DNAJC5B: variants seen among roughly 807,000 people sequenced by gnomAD.
DNAJC5B encodes dnaJ homolog subfamily C member 5B.
A neutral mutation model predicts 24.7 loss-of-function variants in DNAJC5B; 23 were observed. The observed-to-expected ratio is 0.93, with a 90% CI of 0.67 to 1.32. The LOEUF is 1.32. DNAJC5B is among the 40% of genes most tolerant of loss of function. The pLI is 0.00. For synonymous variants in DNAJC5B, 101 were observed against 90.1 expected (o/e 1.12, Z -0.68); for missense variants, 238 against 240.8 (o/e 0.99, Z 0.08).
At chr8:66,091,161 G>C (rs932150772) in intron 5 of DNAJC5B, among the ~76,000 whole-genome samples, 2 of 152,192 alleles carry the variant, frequency 1.3e-5, no homozygotes, top group East Asian at 1.9e-4. Context: ...CCAGGGGCTA[G>C]AGGAAATGAA....
chr8:66,028,313 C>T (rs1806290507), intron 1 of DNAJC5B, among the ~76,000 whole-genome samples: 1 of 152,102 alleles, frequency 6.6e-6, no homozygotes, highest in African/African-American at 2.4e-5. Context: ...TCTTGGCGTG[C>T]AAAGCAAATA....
intron 1 of DNAJC5B, among the ~76,000 whole-genome samples, chr8:66,035,485 T>A (rs147827964): frequency 6.6e-6 from 1 of 152,136 alleles, no homozygotes; most frequent in African/African-American, 2.4e-5. Context: ...TACAGAGAGA[T>A]ACACACAGAG....
chr8:66,076,969 T>C, intron 4 of DNAJC5B, 96 bp downstream of exon 4: 1 of 1,278,788 alleles, frequency 7.8e-7, no homozygotes, highest in Non-Finnish European at 1.1e-6. Flanking sequence ...ACCTTCCTGC[T>C]ATTAAACTCT....
Position 66,051,521 on chromosome 8 carries a change from T to C in DNAJC5B, c.-17-10T>C. On this transcript the variant is annotated splice_polypyrimidine_tract_variant and intron_variant, in intron 2 of 5. Coordinates refer to ENST00000276570, the MANE Select transcript of DNAJC5B (RefSeq NM_033105.6). ...GTGCATAACCTTCATGGCTATTTTC[T>C]CCCCTTTAGTTTTGCAGCCTTAGAA... The C allele has an allele frequency of 6.5e-7, 1 of 1,534,532 alleles. No individual in the cohort carries two copies. The highest frequency in any genetic ancestry group is 9.0e-7 in the Non-Finnish European group (1 of 1,111,210).
intron 3 of DNAJC5B, among the ~76,000 whole-genome samples, chr8:66,064,378 G>C (rs1017769920): frequency 3.3e-5 from 5 of 152,160 alleles, no homozygotes; most frequent in Admixed American, 3.3e-4. Flanking sequence ...GCCAGAAGCC[G>C]GCAGGAGGAA....
intron 3 of DNAJC5B, among the ~76,000 whole-genome samples, chr8:66,061,423 T>C (rs1214089924): frequency 6.6e-6 from 1 of 152,156 alleles, no homozygotes; most frequent in Non-Finnish European, 1.5e-5. Context: ...AGATGATGCA[T>C]GCAAAATGCT....
intron 1 of DNAJC5B, among the ~76,000 whole-genome samples, chr8:66,035,689 TC>T (rs1367343006): frequency 6.6e-6 from 1 of 152,146 alleles, no homozygotes; most frequent in Non-Finnish European, 1.5e-5. Context: ...ACTTCTGGCC[TC>T]CAGACCTGTA....
At chr8:66,061,999 C>T (rs1807093235) in intron 3 of DNAJC5B, among the ~76,000 whole-genome samples, 1 of 152,044 alleles carries the variant, frequency 6.6e-6, no homozygotes, top group Non-Finnish European at 1.5e-5. Flanking sequence ...TCCTTTGCTT[C>T]CTGGCCCACT....
At chr8:66,050,930 T>C (rs555989504) in intron 2 of DNAJC5B, among the ~76,000 whole-genome samples, 1 of 152,248 alleles carries the variant, frequency 6.6e-6, no homozygotes, top group Admixed American at 6.5e-5. Context: ...CTAATTAGCA[T>C]ACACAGTAGC....
chr8:66,090,018 T>C (rs577226346), intron 5 of DNAJC5B, among the ~76,000 whole-genome samples: 162 of 152,266 alleles, frequency 1.1e-3, no homozygotes, highest in African/African-American at 3.6e-3. Context: ...AGGTAAAAGG[T>C]AATAGGTACC....
At chr8:66,015,368 C>T in the DNAJC5B span, among the ~76,000 whole-genome samples, 5 of 151,966 alleles carry the variant, frequency 3.3e-5, no homozygotes, top group Admixed American at 2.0e-4. Context: ...CTTTAGACAT[C>T]GGCCTTATGG....
chr8:66,082,690 C>A (rs572148485), intron 5 of DNAJC5B, among the ~76,000 whole-genome samples: 1 of 152,228 alleles, frequency 6.6e-6, no homozygotes, highest in African/African-American at 2.4e-5. Flanking sequence ...TTAGCAGCTC[C>A]TATGCAGGGA....
chr8:66,042,073 C>T (rs917089566), intron 1 of DNAJC5B, among the ~76,000 whole-genome samples: 36 of 152,190 alleles, frequency 2.4e-4, no homozygotes, highest in Admixed American at 2.0e-3. Context: ...GTTCTTGCAG[C>T]ATCTCTCCAA....
intron 1 of DNAJC5B, among the ~76,000 whole-genome samples, chr8:66,023,704 G>A (rs200680739): frequency 3.3e-5 from 5 of 152,184 alleles, no homozygotes; most frequent in South Asian, 4.2e-4. Flanking sequence ...ACATCCATCC[G>A]TGGTATCCGA....
intron 1 of DNAJC5B, among the ~76,000 whole-genome samples, chr8:66,038,814 G>T (rs915182455): frequency 6.6e-6 from 1 of 152,068 alleles, no homozygotes; most frequent in Non-Finnish European, 1.5e-5. Flanking sequence ...AGCCTCCTTG[G>T]TTTATTACAG....
At chr8:66,048,114 C>G (rs1358657616) in intron 2 of DNAJC5B, among the ~76,000 whole-genome samples, 1 of 152,140 alleles carries the variant, frequency 6.6e-6, no homozygotes, top group Non-Finnish European at 1.5e-5. Context: ...TGCAAAGCAA[C>G]CTGAAGGCCC....
At chr8:66,047,272 T>G (rs189368134) in intron 2 of DNAJC5B, among the ~76,000 whole-genome samples, 291 of 152,338 alleles carry the variant, frequency 1.9e-3, no homozygotes, top group Non-Finnish European at 2.2e-3. Flanking sequence ...CTTGCAATAG[T>G]GCTTGGATGG....
chr8:66,094,888 AT>A (rs1807917639), intron 5 of DNAJC5B, among the ~76,000 whole-genome samples: 1 of 152,004 alleles, frequency 6.6e-6, no homozygotes, highest in African/African-American at 2.4e-5. Flanking sequence ...TGATCTGTTA[AT>A]GTGATGAATT....
At chr8:66,017,442 T>G (rs1261650094), upstream of DNAJC5B, among the ~76,000 whole-genome samples, 2 of 152,230 alleles carry the variant, frequency 1.3e-5, no homozygotes, top group Admixed American at 6.5e-5. Context: ...AGCAATATGT[T>G]TCTGATTCAA....
Sources: gnomAD v4.1 joint callset for allele counts (sites outside exome capture counted in the v4.1 genomes callset) on GRCh38, gnomAD v4.1.1 for gene constraint, MANE v1.5 for transcripts, NCBI Gene and HGNC (gene_info 2026-07-23, HGNC 2026-07-21) for gene names.